CDIP1: variants seen among roughly 807,000 people sequenced by gnomAD.
CDIP1 encodes the protein cell death-inducing p53-target protein 1.
Under a neutral mutation model 17.7 loss-of-function variants are expected in CDIP1, and 9 were observed. That is an observed-to-expected ratio of 0.51 (90% CI 0.31 to 0.89). The LOEUF (loss-of-function observed/expected upper bound fraction) is 0.89, where lower values mean the gene tolerates loss of function less well. CDIP1 is among the 40% of genes least tolerant of loss of function. The pLI, the probability that CDIP1 is intolerant of heterozygous loss-of-function variation, is 0.05. For synonymous variants in CDIP1, 117 were observed against 109.5 expected (o/e 1.07, Z -0.43); for missense variants, 263 against 277.9 (o/e 0.95, Z 0.38).
chr16:4,514,502 C>G lies in CDIP1; in HGVS notation c.-15+73G>C, dbSNP rs2058869110. ...CCCAAACGTTTAGCGGGCACTAAGG[C>G]AGTCGGAGGAGACACTGGACCGATC... is the stretch of plus-strand genomic sequence containing the variant. On this transcript the variant is annotated intron_variant, in intron 2 of 5. Coordinates refer to ENST00000567695, the MANE Select transcript of CDIP1 (RefSeq NM_013399.3). The surrounding 1 kb of genome is among the most constrained non-coding windows in gnomAD (Gnocchi z 5.2). The G allele has an allele frequency of 4.3e-6, 1 of 232,562 alleles. No individual in the cohort carries two copies. Among genetic ancestry groups the G allele is most frequent in the Admixed American group, 5.8e-5 (1 of 17,116 alleles). 14.4% of individuals were successfully genotyped at this position (232,562 alleles called of 1,614,324 possible).
intron 1 of CDIP1, among the ~76,000 whole-genome samples, chr16:4,534,461 T>C (rs2059086004): frequency 6.6e-6 from 1 of 152,242 alleles, no homozygotes; most frequent in Non-Finnish European, 1.5e-5. Flanking sequence ...CAGCTGCTCT[T>C]CCGCCACCCC....
chr16:4,527,639 T>C (rs933009968), intron 1 of CDIP1, among the ~76,000 whole-genome samples: 4 of 152,194 alleles, frequency 2.6e-5, no homozygotes, highest in African/African-American at 4.8e-5. Flanking sequence ...TACACTCTTA[T>C]GGACTCAATT....
intron 1 of CDIP1, chr16:4,532,479 G>C (rs1282637668): frequency 6.6e-6 from 1 of 152,360 alleles, no homozygotes; most frequent in Non-Finnish European, 1.5e-5. Context: ...ACTGAGCAGG[G>C]AACACTCCGT....
intron 1 of CDIP1, among the ~76,000 whole-genome samples, chr16:4,531,129 C>G (rs1031557884): frequency 6.6e-6 from 1 of 151,904 alleles, no homozygotes; most frequent in Non-Finnish European, 1.5e-5. Flanking sequence ...CCCAGGTTCA[C>G]GCAATTCTCA....
At chr16:4,521,097 T>C (rs2058941991) in intron 1 of CDIP1, among the ~76,000 whole-genome samples, 1 of 152,076 alleles carries the variant, frequency 6.6e-6, no homozygotes, top group South Asian at 2.1e-4. Context: ...GGTGTGTGTG[T>C]GTGTGTGTGT....
chr16:4,517,364 G>T (rs13333389), intron 1 of CDIP1, among the ~76,000 whole-genome samples: 4,634 of 152,176 alleles, frequency 0.03, 241 homozygotes, highest in African/African-American at 0.11. Context: ...GATGGGGCGG[G>T]GCATAAGTCT....
intron 1 of CDIP1, among the ~76,000 whole-genome samples, chr16:4,518,475 G>A (rs559554742): frequency 1.1e-4 from 17 of 152,252 alleles, no homozygotes; most frequent in African/African-American, 4.1e-4. Context: ...GCCCCTCACC[G>A]GGGGCCGCAG....
At position 4,527,297 on chromosome 16, in the gene CDIP1, C is replaced by A. The variant is rs2059010716; in HGVS notation, c.-105+11405G>T. Among the ~76,000 whole-genome samples, 2 of 152,034 alleles carry A rather than the reference C, an allele frequency of 1.3e-5. 1 individual carries two copies. Among genetic ancestry groups the A allele is most frequent in the South Asian group, 4.1e-4 (2 of 4,834 alleles). ...AGAGACGGGGTTTCACCGTGTTAGC[C>A]AGGGTGGTCTTGATCTCATGATCTC... On this transcript the variant is annotated intron_variant, in intron 1 of 5. Transcript: ENST00000567695.
In CDIP1 at chr16:4,510,995, C is replaced by T. The variant is rs1266443638; in HGVS notation, c.*1577G>A. On this transcript the variant is annotated 3_prime_UTR_variant, in exon 6 of 6. Transcript: ENST00000567695. ...CTCAAGCCTGCGGGTAGGAGGGCTC[C>T]AGCTTGCAGATCCCATGCGTGGATG... 2 of 152,236 alleles carry T rather than the reference C, an allele frequency of 1.3e-5. No homozygotes were observed. The highest frequency in any genetic ancestry group is 2.9e-5 in the Non-Finnish European group (2 of 68,074). The allele number at this position is 152,236 out of a possible 1,614,324, so 9.4% of individuals were successfully genotyped here.
intron 1 of CDIP1, among the ~76,000 whole-genome samples, chr16:4,530,035 A>G (rs2059039357): frequency 6.6e-6 from 1 of 152,230 alleles, no homozygotes; most frequent in South Asian, 2.1e-4. Flanking sequence ...ACATACCTGT[A>G]CACAGAAGCT....
intron 1 of CDIP1, among the ~76,000 whole-genome samples, chr16:4,538,172 G>A (rs913056815): frequency 6.6e-6 from 1 of 152,154 alleles, no homozygotes; most frequent in African/African-American, 2.4e-5. Context: ...TGCCATTCCG[G>A]GCGCACAACC....
chr16:4,529,184 G>C (rs1343718559), intron 1 of CDIP1, among the ~76,000 whole-genome samples: 1 of 152,072 alleles, frequency 6.6e-6, no homozygotes, highest in Non-Finnish European at 1.5e-5. Flanking sequence ...AGTCAGTTCT[G>C]CCAGATCACC....
rs143448001 is a variant in CDIP1, at chr16:4,523,154, G to A, written c.-104-8490C>T. Among the ~76,000 whole-genome samples, 72 of 152,238 alleles carry A rather than the reference G, an allele frequency of 4.7e-4. 2 individuals are homozygous for A. The East Asian group carries it at 0.014, about 29-fold the overall frequency. On this transcript the variant is annotated intron_variant, in intron 1 of 5. Transcript: ENST00000567695. ...AACAGAGGCCCTCTAAGGGGAGGGC[G>A]GGGGATGGTGCTTCCTTCTGATAGT...
In CDIP1 at chr16:4,518,169, C is replaced by T. The variant is rs935036406; in HGVS notation, c.-104-3505G>A. Among the ~76,000 whole-genome samples, 10 of 152,216 alleles carry T rather than the reference C, an allele frequency of 6.6e-5. No homozygotes were observed. The South Asian group carries it at 2.1e-3, about 31-fold the overall frequency. On this transcript the variant is annotated intron_variant, in intron 1 of 5. Coordinates refer to ENST00000567695, the MANE Select transcript of CDIP1 (RefSeq NM_013399.3). The stretch of plus-strand genomic sequence containing the variant: ...CTTGCAGGGAGCACACACACACACA[C>T]GTGTGCACACACACCCCATCTCTGA...
At chr16:4,517,640 C>G (rs950585773) in intron 1 of CDIP1, among the ~76,000 whole-genome samples, 1 of 152,030 alleles carries the variant, frequency 6.6e-6, no homozygotes, top group Non-Finnish European at 1.5e-5. Flanking sequence ...ACTGGGGAGG[C>G]TGAGGCAGGA....
chr16:4,520,875 TC>T (rs2058939115), intron 1 of CDIP1, among the ~76,000 whole-genome samples: 1 of 152,222 alleles, frequency 6.6e-6, no homozygotes, highest in South Asian at 2.1e-4. Flanking sequence ...TGCCAGTTGT[TC>T]TTTAAGTGAA....
rs2058846895 is a variant in CDIP1, at chr16:4,512,892, C to T, written c.414G>A (p.Val138=). The change falls in exon 5 of 6, where the codon GTG becomes GTA. Residue 138 remains valine (V), a synonymous_variant. Coordinates refer to ENST00000567695, the MANE Select transcript of CDIP1 (RefSeq NM_013399.3). This position sits in a 1 kb window ranked among gnomAD's most constrained non-coding sequence, Gnocchi z 4.6. ...LQGEIFEGAP[V]QTVCPHCQQA... ...GCTGGCAGTGGGGACACACCGTCTG[C>T]ACAGGCGCTCCCTCAAAGATCTCTC... The T allele has an allele frequency of 6.4e-7, 1 of 1,567,784 alleles. No individual in the cohort carries two copies. Among genetic ancestry groups the T allele is most frequent in the Non-Finnish European group, 8.7e-7 (1 of 1,156,026 alleles).
At chr16:4,534,314 G>T (rs865183) in intron 1 of CDIP1, among the ~76,000 whole-genome samples, 146,669 of 152,298 alleles carry the variant, frequency 0.96, 70,878 homozygotes, top group East Asian at 1. Context: ...GCAGCCGAGA[G>T]AGACTCCACT....
chr16:4,512,203 G>A lies in CDIP1; in HGVS notation c.*369C>T. The A allele has an allele frequency of 3.6e-6, 1 of 274,988 alleles. No homozygotes were observed. Among genetic ancestry groups the A allele is most frequent in the Non-Finnish European group, 7.2e-6 (1 of 139,782 alleles). The allele number at this position is 274,988 out of a possible 1,614,324, so 17.0% of individuals were successfully genotyped here. A position where few individuals can be genotyped will look rare whatever the true frequency, so the allele number is the denominator to read the frequency against. Reference sequence around the variant, plus strand: ...GGGGACTAACTGGCTAACTGCTCTGGCTGCTGTTGGTCCCAGGGGGAAAGA... The same window carrying A: ...GGGGACTAACTGGCTAACTGCTCTGACTGCTGTTGGTCCCAGGGGGAAAGA... On this transcript the variant is annotated 3_prime_UTR_variant, in exon 6 of 6. Transcript: ENST00000567695. This position sits in a 1 kb window ranked among gnomAD's most constrained non-coding sequence, Gnocchi z 4.6.
Sources: gnomAD v4.1 joint callset for allele counts (sites outside exome capture counted in the v4.1 genomes callset) on GRCh38, gnomAD v4.1.1 for gene constraint, Gnocchi (gnomAD v3.1) non-coding constraint, MANE v1.5 for transcripts, NCBI Gene and HGNC (gene_info 2026-07-23, HGNC 2026-07-21) for gene names.